ADAMTS2: variants seen among roughly 807,000 people sequenced by gnomAD.
ADAMTS2 encodes the protein ADAM metallopeptidase with thrombospondin type 1 motif 2.
ADAMTS2 carries 50 observed loss-of-function variants against 123.0 expected under a neutral mutation model. The ratio of observed to expected loss-of-function variants is 0.41; its 90% CI spans 0.32 to 0.51. The LOEUF is 0.51. Among genes scored for constraint, ADAMTS2 ranks in the 20% least tolerant of loss-of-function variants. The pLI is 0.35. For synonymous variants in ADAMTS2, 678 were observed against 695.4 expected (o/e 0.98, Z 0.39); for missense variants, 1,494 against 1,705.2 (o/e 0.88, Z 2.18).
intron 5 of ADAMTS2, among the ~76,000 whole-genome samples, chr5:179,177,664 A>G (rs1175451584): frequency 2.0e-5 from 3 of 152,154 alleles, no homozygotes; most frequent in African/African-American, 7.2e-5. Context: ...CCTGGCATAG[A>G]GATCCTCAAA....
At chr5:179,292,418 G>A (rs1756215874) in intron 2 of ADAMTS2, among the ~76,000 whole-genome samples, 1 of 151,870 alleles carries the variant, frequency 6.6e-6, no homozygotes, top group African/African-American at 2.4e-5. Context: ...GATAGCTCCT[G>A]AGCCTGAGCA....
intron 2 of ADAMTS2, among the ~76,000 whole-genome samples, chr5:179,338,504 C>G (rs961796148): frequency 6.6e-6 from 1 of 152,142 alleles, no homozygotes; most frequent in African/African-American, 2.4e-5. Context: ...CGTAAGGCAG[C>G]AGGGGAGGGA....
At position 179,260,948 on chromosome 5, in the gene ADAMTS2, C is replaced by T. The variant is rs1361003218; in HGVS notation, c.688+11963G>A. Reference sequence around the variant, plus strand: ...TGACACCATGAAGAGTGCCCACCTTCGCGCAGGCCCTCGGTGAATGGGCAT... The same window carrying T: ...TGACACCATGAAGAGTGCCCACCTTTGCGCAGGCCCTCGGTGAATGGGCAT... On this transcript the variant is annotated intron_variant, in intron 3 of 21. Coordinates refer to ENST00000251582, the MANE Select transcript of ADAMTS2 (RefSeq NM_014244.5). This position sits in a 1 kb window ranked among gnomAD's most constrained non-coding sequence, Gnocchi z 4.2. 2.6e-5 allele frequency among the ~76,000 whole-genome samples: 4 copies of T among 152,148 alleles called. No individual in the cohort carries two copies. Among genetic ancestry groups the T allele is most frequent in the Non-Finnish European group, 5.9e-5 (4 of 68,040 alleles).
At chr5:179,309,402 G>T (rs148729406) in intron 2 of ADAMTS2, among the ~76,000 whole-genome samples, 15 of 152,312 alleles carry the variant, frequency 9.8e-5, no homozygotes, top group African/African-American at 3.1e-4. Flanking sequence ...CAGTGACCCA[G>T]ACCTGACCTT....
intron 3 of ADAMTS2, among the ~76,000 whole-genome samples, chr5:179,215,749 C>G (rs1764966903): frequency 6.6e-6 from 1 of 152,156 alleles, no homozygotes; most frequent in African/African-American, 2.4e-5. Context: ...CAGCCACATT[C>G]TACAAAGTCT....
Position 179,139,982 on chromosome 5 carries a change from G to A in ADAMTS2, c.1683C>T (p.Asp561=), listed in dbSNP as rs368700721. 86 of 1,613,982 alleles carry A rather than the reference G, an allele frequency of 5.3e-5. No individual in the cohort carries two copies. The South Asian group carries it at 6.3e-4, about 12-fold the overall frequency. The change falls in exon 11 of 22, where the codon GAC becomes GAT. Residue 561 remains aspartate (D), a synonymous_variant. Transcript: ENST00000251582. ...ACGGACTCCAAGCGCCCCAGCTGCC[G>A]TCCCGTTTGAGGATGTCAGGTGTCA... ...IWLTPDILKR[D]GSWGAWSPFG...
At chr5:179,324,392 TC>T (rs1471717005) in intron 2 of ADAMTS2, among the ~76,000 whole-genome samples, 1 of 94,394 alleles carries the variant, frequency 1.1e-5, no homozygotes, top group African/African-American at 5.5e-5. Context: ...TTTATTTTTC[TC>T]TTTTTTTTTT....
chr5:179,190,664 C>G (rs1764283435), intron 4 of ADAMTS2, among the ~76,000 whole-genome samples: 1 of 152,334 alleles, frequency 6.6e-6, no homozygotes, highest in South Asian at 2.1e-4. Context: ...TCACACAAAG[C>G]CTGGTGGTGG....
intron 10 of ADAMTS2, among the ~76,000 whole-genome samples, chr5:179,150,403 C>T (rs1763332656): frequency 6.6e-6 from 1 of 152,210 alleles, no homozygotes; most frequent in African/African-American, 2.4e-5. Context: ...GACTTCTAAC[C>T]CTTCATTAAG....
intron 5 of ADAMTS2, among the ~76,000 whole-genome samples, chr5:179,159,162 C>T (rs537592219): frequency 1.3e-5 from 2 of 152,350 alleles, no homozygotes; most frequent in East Asian, 1.9e-4. Flanking sequence ...TCTAAGGCCT[C>T]GCATAGTCCC....
At chr5:179,274,706 C>A (rs1766648155) in intron 2 of ADAMTS2, among the ~76,000 whole-genome samples, 1 of 152,244 alleles carries the variant, frequency 6.6e-6, no homozygotes, top group African/African-American at 2.4e-5. Flanking sequence ...AGTCAGTGCC[C>A]CCCAGGGCCT....
intron 2 of ADAMTS2, among the ~76,000 whole-genome samples, chr5:179,310,177 G>T (rs2113573715): frequency 6.6e-6 from 1 of 152,376 alleles, no homozygotes; most frequent in East Asian, 1.9e-4. Context: ...ACAGCGCTCA[G>T]GCGCTGAGAT....
chr5:179,297,929 C>T lies in ADAMTS2; in HGVS notation c.535-24865G>A, dbSNP rs182030230. ...CACAGGACCTCCCTTCCCTCACAGCCCTTCTCAGCAGGCTGGCCTCTGCTG... is the reference window on the plus strand; with the variant it reads ...CACAGGACCTCCCTTCCCTCACAGCTCTTCTCAGCAGGCTGGCCTCTGCTG... On this transcript the variant is annotated intron_variant, in intron 2 of 21. Transcript: ENST00000251582. Among the ~76,000 whole-genome samples, 526 of 152,290 alleles carry T rather than the reference C, an allele frequency of 3.5e-3. 2 individuals carry two copies. The highest frequency in any genetic ancestry group is 5.6e-3 in the Non-Finnish European group (381 of 68,024).
rs1466702093 is a variant in ADAMTS2, at chr5:179,228,194, T to C, written c.689-20479A>G. Among the ~76,000 whole-genome samples, 1 of 152,022 alleles carries C rather than the reference T, an allele frequency of 6.6e-6. No individual in the cohort carries two copies. The highest frequency in any genetic ancestry group is 1.5e-5 in the Non-Finnish European group (1 of 68,000). ...CCCCAGGTGTGGGCGGCCTCCAGGA[T>C]GAATCAGCTGCAGAGCACCGCAGTG... On this transcript the variant is annotated intron_variant, in intron 3 of 21. Transcript: ENST00000251582. The surrounding 1 kb of genome is among the most constrained non-coding windows in gnomAD (Gnocchi z 5.2).
At chr5:179,137,620 G>T in intron 12 of ADAMTS2, 149 bp downstream of exon 12, 1 of 1,072,204 alleles carries the variant, frequency 9.3e-7, no homozygotes, top group Non-Finnish European at 1.4e-6. Context: ...GAGTGGGCCA[G>T]GGCAGCCACA....
chr5:179,170,113 C>CT lies in ADAMTS2; in HGVS notation c.975+10958dup, dbSNP rs1428432437. On this transcript the variant is annotated intron_variant, in intron 5 of 21. Transcript: ENST00000251582. The surrounding 1 kb of genome is among the most constrained non-coding windows in gnomAD (Gnocchi z 4.3). ...AAATAAGATCATCTCTTTTCTTCTG[C>CT]TTTTTTTTAAGAAATGGAGAAAAAT... Among the ~76,000 whole-genome samples, 4 of 152,096 alleles carry CT rather than the reference C, an allele frequency of 2.6e-5. No homozygotes were observed. The highest frequency in any genetic ancestry group is 7.2e-5 in the African/African-American group (3 of 41,518).
chr5:179,328,565 A>G (rs1370719022), intron 2 of ADAMTS2, among the ~76,000 whole-genome samples: 4 of 152,242 alleles, frequency 2.6e-5, no homozygotes, highest in African/African-American at 9.6e-5. Flanking sequence ...CTGCACATGC[A>G]TGTATGATTT....
At chr5:179,327,370 G>A (rs895959402) in intron 2 of ADAMTS2, among the ~76,000 whole-genome samples, 5 of 152,144 alleles carry the variant, frequency 3.3e-5, no homozygotes, top group Admixed American at 3.3e-4. Context: ...GCCTTCTCCT[G>A]AAAGTGTCTC....
chr5:179,269,908 C>T lies in ADAMTS2; in HGVS notation c.688+3003G>A, dbSNP rs368831229. ...CCACCCAGCCTCAGAGCTCGGCCTC[C>T]GGTCCTGGCCAGGTTCCCAGGCCAG... On this transcript the variant is annotated intron_variant, in intron 3 of 21. Coordinates refer to ENST00000251582, the MANE Select transcript of ADAMTS2 (RefSeq NM_014244.5). 1.3e-4 allele frequency among the ~76,000 whole-genome samples: 20 copies of T among 152,284 alleles called. No individual in the cohort carries two copies. In the East Asian group the frequency reaches 1.7e-3, roughly 13 times the overall value.
Sources: gnomAD v4.1 joint callset for allele counts (sites outside exome capture counted in the v4.1 genomes callset) on GRCh38, gnomAD v4.1.1 for gene constraint, Gnocchi (gnomAD v3.1) non-coding constraint, MANE v1.5 for transcripts, NCBI Gene and HGNC (gene_info 2026-07-23, HGNC 2026-07-21) for gene names.